Variants in CNTNAP2 observed in about 807,000 individuals in gnomAD.
The protein encoded by CNTNAP2 is contactin associated protein 2.
A neutral mutation model predicts 155.2 loss-of-function variants in CNTNAP2; 98 were observed. The ratio of observed to expected loss-of-function variants is 0.63; its 90% confidence interval spans 0.54 to 0.75. The LOEUF is 0.75. CNTNAP2 is among the 30% of genes least tolerant of loss of function. The pLI is 0.00. For synonymous variants in CNTNAP2, 651 were observed against 631.2 expected (o/e 1.03, Z -0.47); for missense variants, 1,727 against 1,688.1 (o/e 1.02, Z -0.40).
intron 1 of CNTNAP2, among the ~76,000 whole-genome samples, chr7:146,759,714 TGGGTGGGGTG>T (rs565488573): frequency 2.0e-5 from 1 of 49,704 alleles, no homozygotes; most frequent in African/African-American, 7.4e-5. Flanking sequence ...AAAAAAAAGG[TGGGTGGGGTG>T]GGGTGGGGTG....
At chr7:146,643,678 T>A (rs933826801) in intron 1 of CNTNAP2, among the ~76,000 whole-genome samples, 6 of 149,776 alleles carry the variant, frequency 4.0e-5, no homozygotes, top group Admixed American at 2.7e-4. Flanking sequence ...TTTAAAATAG[T>A]TTTTTCCAAT....
intron 19 of CNTNAP2, among the ~76,000 whole-genome samples, chr7:148,228,647 C>A (rs2116776935): frequency 6.6e-6 from 1 of 151,928 alleles, no homozygotes; most frequent in Middle Eastern, 3.4e-3. Flanking sequence ...TACGGTGAAA[C>A]CCCGTCTCTA....
At chr7:148,415,075 GA>G (rs1397576331) in intron 23 of CNTNAP2, among the ~76,000 whole-genome samples, 1 of 152,140 alleles carries the variant, frequency 6.6e-6, no homozygotes, top group Non-Finnish European at 1.5e-5. Flanking sequence ...CTGCCAGCCA[GA>G]AAACTAGGAA....
intron 3 of CNTNAP2, among the ~76,000 whole-genome samples, chr7:146,872,664 CAT>C: frequency 6.6e-6 from 1 of 152,292 alleles, no homozygotes; most frequent in East Asian, 1.9e-4. Context: ...GCATCCCAAA[CAT>C]ATCAAAATAA....
chr7:147,094,909 A>C (rs1028923249), intron 4 of CNTNAP2, among the ~76,000 whole-genome samples: 3 of 152,150 alleles, frequency 2.0e-5, no homozygotes, highest in African/African-American at 7.2e-5. Context: ...AGAAGTCCAA[A>C]ATCTAGGTAC....
chr7:146,202,898 G>A (rs1273704546), intron 1 of CNTNAP2, among the ~76,000 whole-genome samples: 1 of 152,030 alleles, frequency 6.6e-6, no homozygotes, highest in Non-Finnish European at 1.5e-5. Context: ...CTATTTTTTT[G>A]TACTTCATAC....
Position 146,598,384 on chromosome 7 carries a change from G to A in CNTNAP2, c.98-175887G>A, listed in dbSNP as rs118184486. Among the ~76,000 whole-genome samples the A allele has an allele frequency of 5.7e-3, 865 of 152,070 alleles. 5 individuals carry two copies. Among genetic ancestry groups the A allele is most frequent in the Middle Eastern group, 0.024 (7 of 294 alleles). On this transcript the variant is annotated intron_variant, in intron 1 of 23. Coordinates refer to ENST00000361727, the MANE Select transcript of CNTNAP2 (RefSeq NM_014141.6). Reference sequence around the variant, plus strand: ...TGAGTTCCTGCCTATTTCTCTGCACGTCTTTTGGTAGATCTCCTGGAGAGT... The same window carrying A: ...TGAGTTCCTGCCTATTTCTCTGCACATCTTTTGGTAGATCTCCTGGAGAGT...
chr7:147,258,446 C>T (rs1018560543), intron 8 of CNTNAP2, among the ~76,000 whole-genome samples: 6 of 151,994 alleles, frequency 3.9e-5, no homozygotes, highest in Non-Finnish European at 7.4e-5. Flanking sequence ...TCTATGTAGC[C>T]ATATCAGAAG....
intron 1 of CNTNAP2, among the ~76,000 whole-genome samples, chr7:146,447,784 C>T (rs1022021357): frequency 6.6e-6 from 1 of 151,778 alleles, no homozygotes; most frequent in African/African-American, 2.4e-5. Flanking sequence ...TAAAATGGTT[C>T]GTGTATGATA....
intron 15 of CNTNAP2, among the ~76,000 whole-genome samples, chr7:147,981,792 T>TGG (rs1801534616): frequency 6.6e-6 from 1 of 151,286 alleles, no homozygotes; most frequent in African/African-American, 2.4e-5. Flanking sequence ...TACAGGTGTG[T>TGG]GTGTGTGTGT....
chr7:146,325,683 T>C (rs1277067964), intron 1 of CNTNAP2, among the ~76,000 whole-genome samples: 1 of 151,964 alleles, frequency 6.6e-6, no homozygotes, highest in African/African-American at 2.4e-5. Context: ...GACTGGCACA[T>C]GACAGGTATT....
chr7:148,351,526 C>T lies in CNTNAP2; in HGVS notation c.3476-32123C>T, dbSNP rs138996916. On this transcript the variant is annotated intron_variant, in intron 21 of 23. Coordinates refer to ENST00000361727, the MANE Select transcript of CNTNAP2 (RefSeq NM_014141.6). ...TTGGGAGGCCGAGGTGGGCAGATCACGAGGTCAGGAGTTCAAGACCAGCCT... is the reference window on the plus strand; with the variant it reads ...TTGGGAGGCCGAGGTGGGCAGATCATGAGGTCAGGAGTTCAAGACCAGCCT... Among the ~76,000 whole-genome samples the T allele has an allele frequency of 1.4e-4, 22 of 151,866 alleles. No individual in the cohort carries two copies. The East Asian group carries it at 1.6e-3, about 11-fold the overall frequency.
At chr7:147,165,475 C>A (rs1802098214) in intron 8 of CNTNAP2, among the ~76,000 whole-genome samples, 1 of 151,978 alleles carries the variant, frequency 6.6e-6, no homozygotes, top group South Asian at 2.1e-4. Context: ...GCTGACTGTT[C>A]CCTTTGCTGT....
At chr7:147,509,302 C>T (rs1168838263) in intron 11 of CNTNAP2, among the ~76,000 whole-genome samples, 1 of 152,168 alleles carries the variant, frequency 6.6e-6, no homozygotes, top group Non-Finnish European at 1.5e-5. Context: ...GGGATATTTG[C>T]TTTTTGATGT....
At chr7:147,557,073 G>A (rs1158616964) in intron 11 of CNTNAP2, among the ~76,000 whole-genome samples, 1 of 151,976 alleles carries the variant, frequency 6.6e-6, no homozygotes, top group African/African-American at 2.4e-5. Flanking sequence ...AGACCAGCTT[G>A]GCCAACATGG....
intron 1 of CNTNAP2, among the ~76,000 whole-genome samples, chr7:146,769,472 T>C (rs949928627): frequency 2.6e-5 from 4 of 152,220 alleles, no homozygotes; most frequent in African/African-American, 9.6e-5. Context: ...TAGTATATTG[T>C]AATAGTCAGT....
chr7:147,298,297 G>A (rs1339221119), intron 8 of CNTNAP2, among the ~76,000 whole-genome samples: 3 of 151,850 alleles, frequency 2.0e-5, no homozygotes, highest in Non-Finnish European at 4.4e-5. Context: ...GGTGATGCAC[G>A]CCTATAATCC....
intron 3 of CNTNAP2, among the ~76,000 whole-genome samples, chr7:146,979,814 A>G (rs1054984182): frequency 1.4e-4 from 21 of 152,238 alleles, no homozygotes; most frequent in South Asian, 2.1e-4. Context: ...ACTCTGTATT[A>G]CTGACTCCTT....
At position 146,626,344 on chromosome 7, in the gene CNTNAP2, C is replaced by T. The variant is rs56085983; in HGVS notation, c.98-147927C>T. Among the ~76,000 whole-genome samples the T allele has an allele frequency of 1.1e-3, 161 of 152,144 alleles. 2 individuals are homozygous for T. The highest frequency in any genetic ancestry group is 3.5e-3 in the African/African-American group (144 of 41,520). On this transcript the variant is annotated intron_variant, in intron 1 of 23. Coordinates refer to ENST00000361727, the MANE Select transcript of CNTNAP2 (RefSeq NM_014141.6). ...TATTGGTTTGCAAATCAGGTTCTTA[C>T]GCTTGTATCTATCATTCTGTTCTGA...
Sources: allele counts gnomAD v4.1 joint callset (sites outside exome capture counted in the v4.1 genomes callset), GRCh38; gene constraint gnomAD v4.1.1; transcripts MANE v1.5; gene names NCBI Gene and HGNC (gene_info 2026-07-23, HGNC 2026-07-21).